Variants in RBFOX1 observed in about 807,000 individuals in gnomAD.
RBFOX1 encodes RNA binding fox-1 homolog 1, also known as RNA binding protein fox-1 homolog 1.
Under a neutral mutation model 57.7 loss-of-function variants are expected in RBFOX1, and 8 were observed. The observed-to-expected ratio is 0.14, with a 90% CI of 0.08 to 0.25. The LOEUF (loss-of-function observed/expected upper bound fraction) is 0.25. RBFOX1 is among the 10% of genes least tolerant of loss of function. The probability of loss-of-function intolerance (pLI) is 1.00; values close to 1 mark genes in which losing one functional copy is unlikely to be tolerated. For missense variants in RBFOX1, 611 were observed against 548.5 expected (o/e 1.11, Z -1.14); for synonymous variants, 326 against 222.4 (o/e 1.47, Z -4.15).
intron 2 of RBFOX1, among the ~76,000 whole-genome samples, chr16:5,493,605 C>G (rs941550385): frequency 6.6e-6 from 1 of 152,196 alleles, no homozygotes; most frequent in Non-Finnish European, 1.5e-5. Context: ...CTATCATGGG[C>G]AAATGTAATA....
chr16:7,549,240 C>T (rs752032386), intron 5 of RBFOX1, among the ~76,000 whole-genome samples: 2 of 152,148 alleles, frequency 1.3e-5, no homozygotes, highest in African/African-American at 2.4e-5. Flanking sequence ...CTTCACTAGC[C>T]CCCAATTTGG....
intron 1 of RBFOX1, among the ~76,000 whole-genome samples, chr16:5,429,711 C>T (rs1452261480): frequency 6.6e-6 from 1 of 152,218 alleles, no homozygotes; most frequent in African/African-American, 2.4e-5. Context: ...TCAAAACCGT[C>T]TCAAATACAT....
intron 3 of RBFOX1, among the ~76,000 whole-genome samples, chr16:6,930,636 C>T (rs369137983): frequency 1.3e-5 from 2 of 152,270 alleles, no homozygotes; most frequent in African/African-American, 4.8e-5. Flanking sequence ...TCTTGAGCTC[C>T]TCACCTTAGG....
In RBFOX1 at chr16:7,413,966, A is replaced by C. The variant is rs752113196; in HGVS notation, c.28-104181A>C. Among the ~76,000 whole-genome samples the C allele has an allele frequency of 7.4e-4, 112 of 152,164 alleles. 1 individual carries two copies. The highest frequency in any genetic ancestry group is 3.4e-4 in the Non-Finnish European group (23 of 68,042). On this transcript the variant is annotated intron_variant, in intron 4 of 15. Coordinates refer to ENST00000550418, the MANE Select transcript of RBFOX1 (RefSeq NM_018723.4). Reference sequence around the variant, plus strand: ...AGTAATTACTTTCCAAACTCCAAGGAGATGGTTCTCAGATGTTGGTGACTA... The same window carrying C: ...AGTAATTACTTTCCAAACTCCAAGGCGATGGTTCTCAGATGTTGGTGACTA...
intron 14 of RBFOX1, among the ~76,000 whole-genome samples, chr16:7,697,671 A>C (rs950046011): frequency 6.6e-6 from 1 of 152,110 alleles, no homozygotes; most frequent in Non-Finnish European, 1.5e-5. Flanking sequence ...GCCCAGTCAC[A>C]CTGGAGTCCA....
At chr16:5,438,372 C>T (rs1251955401) in intron 1 of RBFOX1, among the ~76,000 whole-genome samples, 1 of 152,184 alleles carries the variant, frequency 6.6e-6, no homozygotes, top group African/African-American at 2.4e-5. Flanking sequence ...ATTTGTTGAG[C>T]ATCTGCTTTG....
At position 7,006,293 on chromosome 16, in the gene RBFOX1, T is replaced by C. The variant is rs184959498; in HGVS notation, c.-15-45764T>C. ...TCTCAGCCTCTCGAGTAGCTGGGAT[T>C]ACAGGTACACACCAGTATACCCAGC... On this transcript the variant is annotated intron_variant, in intron 3 of 15. Transcript: ENST00000550418. Among the ~76,000 whole-genome samples, 340 of 152,228 alleles carry C rather than the reference T, an allele frequency of 2.2e-3. 2 individuals are homozygous for C. Among genetic ancestry groups the C allele is most frequent in the African/African-American group, 8.0e-3 (333 of 41,540 alleles).
At chr16:6,437,163 C>T (rs2094258743) in intron 2 of RBFOX1, among the ~76,000 whole-genome samples, 1 of 152,180 alleles carries the variant, frequency 6.6e-6, no homozygotes, top group South Asian at 2.1e-4. Context: ...ATCTATCACC[C>T]ACAGCATGTC....
chr16:5,843,149 C>A (rs1050678793), intron 3 of RBFOX1, among the ~76,000 whole-genome samples: 4 of 152,060 alleles, frequency 2.6e-5, no homozygotes, highest in African/African-American at 9.7e-5. Flanking sequence ...TTTTATCTTT[C>A]ATTATAGGTT....
At chr16:7,369,042 A>G (rs1302844670) in intron 4 of RBFOX1, among the ~76,000 whole-genome samples, 5 of 152,118 alleles carry the variant, frequency 3.3e-5, no homozygotes, top group Non-Finnish European at 5.9e-5. Context: ...GTGAAGAGAT[A>G]GCATGGTGGT....
intron 4 of RBFOX1, among the ~76,000 whole-genome samples, chr16:7,455,216 T>G (rs994396743): frequency 2.0e-5 from 3 of 152,218 alleles, no homozygotes; most frequent in African/African-American, 7.2e-5. Flanking sequence ...ATGCTTTGGT[T>G]CTAGCTAAAT....
chr16:5,572,170 G>A (rs2046305308), intron 2 of RBFOX1, among the ~76,000 whole-genome samples: 1 of 152,166 alleles, frequency 6.6e-6, no homozygotes, highest in South Asian at 2.1e-4. Flanking sequence ...AGCCATAGAA[G>A]CCCTTTATGG....
intron 4 of RBFOX1, among the ~76,000 whole-genome samples, chr16:7,415,370 A>C (rs1199655579): frequency 6.6e-6 from 1 of 152,162 alleles, no homozygotes; most frequent in Non-Finnish European, 1.5e-5. Context: ...ACAGATCTAG[A>C]GGGTAGCTCT....
At chr16:6,732,632 A>G (rs1472913224) in intron 3 of RBFOX1, among the ~76,000 whole-genome samples, 1 of 152,254 alleles carries the variant, frequency 6.6e-6, no homozygotes, top group Admixed American at 6.5e-5. Context: ...TAATGTAAGG[A>G]CAGTGACATT....
At chr16:6,127,738 C>G (rs547584928) in intron 1 of RBFOX1, among the ~76,000 whole-genome samples, 1 of 152,216 alleles carries the variant, frequency 6.6e-6, no homozygotes, top group African/African-American at 2.4e-5. Flanking sequence ...GTTCAACACT[C>G]CGGGAAAAAT....
chr16:7,544,242 T>C (rs2083789848), intron 5 of RBFOX1, among the ~76,000 whole-genome samples: 1 of 152,222 alleles, frequency 6.6e-6, no homozygotes, highest in Non-Finnish European at 1.5e-5. Context: ...AGGGAAATTA[T>C]GACAAAGGAG....
chr16:6,152,350 A>G (rs1452477626), intron 1 of RBFOX1, among the ~76,000 whole-genome samples: 1 of 151,420 alleles, frequency 6.6e-6, no homozygotes, highest in African/African-American at 2.4e-5. Context: ...CTCTCTTTTT[A>G]ACTAGCTGCT....
chr16:7,208,167 A>G (rs759763839), intron 4 of RBFOX1, among the ~76,000 whole-genome samples: 1 of 152,150 alleles, frequency 6.6e-6, no homozygotes, highest in Non-Finnish European at 1.5e-5. Flanking sequence ...CAGGTATCTT[A>G]CTTGGGCTGA....
chr16:5,712,595 C>A (rs966890617), intron 3 of RBFOX1, among the ~76,000 whole-genome samples: 1 of 148,450 alleles, frequency 6.7e-6, no homozygotes, highest in African/African-American at 2.4e-5. Context: ...ATTCCCATAA[C>A]AGGTAGGTGA....
Sources: allele counts gnomAD v4.1 joint callset (sites outside exome capture counted in the v4.1 genomes callset), GRCh38; gene constraint gnomAD v4.1.1; transcripts MANE v1.5; gene names NCBI Gene and HGNC (gene_info 2026-07-23, HGNC 2026-07-21).